ZFPM2: variants seen among roughly 807,000 people sequenced by gnomAD.
ZFPM2 encodes zinc finger protein, FOG family member 2, also known as zinc finger protein ZFPM2.
ZFPM2 carries 20 observed loss-of-function variants against 98.6 expected under a neutral mutation model. The ratio of observed to expected loss-of-function variants is 0.20; its 90% confidence interval spans 0.14 to 0.29. The LOEUF is 0.29. Among genes scored for constraint, ZFPM2 ranks in the 10% least tolerant of loss-of-function variants. The pLI, the probability that ZFPM2 is intolerant of heterozygous loss-of-function variation, is 1.00. For synonymous variants in ZFPM2, 518 were observed against 502.7 expected (o/e 1.03, Z -0.41); for missense variants, 1,310 against 1,388.6 (o/e 0.94, Z 0.90).
Position 105,444,322 on chromosome 8 carries a change from A to G in ZFPM2, c.242A>G (p.Asp81Gly). Residue 81 changes from aspartate (D) to glycine (G), a missense_variant, in exon 3 of 8, where the codon GAC (aspartate) becomes GGC (glycine). Physicochemically the swap from Asp to Gly is moderately conservative, Grantham distance 94 (BLOSUM62 -1). Transcript: ENST00000407775. ...GIQETAESDGDTQSEKPGQPG... is the reference protein window; with the variant it reads ...GIQETAESDGGTQSEKPGQPG... ...CAGGAGACAGCAGAATCAGATGGGG[A>G]CACACAGTCAGAGAAACCGGGGCAA... 1 of 1,612,496 alleles carries G rather than the reference A, an allele frequency of 6.2e-7. No homozygotes were observed. Among genetic ancestry groups the G allele is most frequent in the Non-Finnish European group, 8.5e-7 (1 of 1,179,292 alleles).
intron 5 of ZFPM2, among the ~76,000 whole-genome samples, chr8:105,663,478 G>GT (rs1346481709): frequency 6.6e-6 from 1 of 152,166 alleles, no homozygotes; most frequent in Non-Finnish European, 1.5e-5. Context: ...CATCCTGCAT[G>GT]TAAAGTAGTG....
chr8:105,633,262 A>G (rs1354100758), intron 4 of ZFPM2, among the ~76,000 whole-genome samples: 1 of 152,204 alleles, frequency 6.6e-6, no homozygotes, highest in Non-Finnish European at 1.5e-5. Context: ...GATCATATCT[A>G]GGTGAAAATT....
At chr8:105,450,661 T>C (rs569133947) in intron 3 of ZFPM2, among the ~76,000 whole-genome samples, 85 of 152,150 alleles carry the variant, frequency 5.6e-4, no homozygotes, top group African/African-American at 2.0e-3. Context: ...TTTATCTCAA[T>C]GCTTTGTGTC....
At chr8:105,411,382 C>T (rs745677272) in intron 1 of ZFPM2, among the ~76,000 whole-genome samples, 1 of 151,736 alleles carries the variant, frequency 6.6e-6, no homozygotes, top group Non-Finnish European at 1.5e-5. Flanking sequence ...ATTATCCACT[C>T]ACTTTGGGCT....
chr8:105,787,838 A>C (rs541092644), intron 5 of ZFPM2, among the ~76,000 whole-genome samples: 1 of 152,282 alleles, frequency 6.6e-6, no homozygotes, highest in African/African-American at 2.4e-5. Flanking sequence ...ACAAAATATA[A>C]GTGCTTTGCC....
At chr8:105,787,451 T>G (rs1392047044) in intron 5 of ZFPM2, 3 of 152,220 alleles carry the variant, frequency 2.0e-5, no homozygotes, top group African/African-American at 7.2e-5. Flanking sequence ...TTCCTTACCT[T>G]TAAAACTTAA....
chr8:105,639,611 A>C (rs552030408), intron 5 of ZFPM2, among the ~76,000 whole-genome samples: 76 of 152,240 alleles, frequency 5.0e-4, no homozygotes, highest in African/African-American at 1.6e-3. Context: ...ATGGAATAGC[A>C]ATGGCTACCA....
At chr8:105,637,731 C>G (rs758301230) in intron 5 of ZFPM2, among the ~76,000 whole-genome samples, 3 of 152,048 alleles carry the variant, frequency 2.0e-5, no homozygotes, top group Non-Finnish European at 4.4e-5. Context: ...CACTCCTACT[C>G]GTATCCAAAC....
rs777587825 is a variant in ZFPM2, at chr8:105,788,786, G to T, written c.601G>T (p.Asp201Tyr). The T allele has an allele frequency of 6.2e-7, 1 of 1,613,982 alleles. No individual in the cohort carries two copies. The highest frequency in any genetic ancestry group is 8.5e-7 in the Non-Finnish European group (1 of 1,179,880). ...TGAAGAGCTAATTGCCTTTGTGGTG[G>T]ATTTTGACTCAAGGCTACAAGCTGC... ...EGEELIAFVV[D>Y]FDSRLQAASQ... Residue 201 changes from aspartate to tyrosine, a missense_variant, in exon 6 of 8, where the codon GAT (aspartate) becomes TAT (tyrosine). Physicochemically the swap from Asp to Tyr is radical, Grantham distance 160. Transcript: ENST00000407775.
chr8:105,691,882 A>G (rs562070221), intron 5 of ZFPM2, among the ~76,000 whole-genome samples: 6 of 152,350 alleles, frequency 3.9e-5, no homozygotes, highest in Non-Finnish European at 8.8e-5. Context: ...AATTTCAAGG[A>G]AAGATAGGCA....
intron 5 of ZFPM2, among the ~76,000 whole-genome samples, chr8:105,660,963 C>T (rs761321484): frequency 7.2e-5 from 11 of 152,034 alleles, no homozygotes; most frequent in African/African-American, 1.9e-4. Flanking sequence ...CTAAAGAAGC[C>T]GTCTATCCAT....
At chr8:105,358,076 T>G (rs1228946194) in intron 1 of ZFPM2, among the ~76,000 whole-genome samples, 1 of 152,202 alleles carries the variant, frequency 6.6e-6, no homozygotes, top group Non-Finnish European at 1.5e-5. Flanking sequence ...AAATTCTGCA[T>G]TCATTTTCCA....
chr8:105,571,463 C>T (rs1283609483), intron 4 of ZFPM2, among the ~76,000 whole-genome samples: 1 of 152,226 alleles, frequency 6.6e-6, no homozygotes, highest in Non-Finnish European at 1.5e-5. Context: ...TAACAAAGCA[C>T]TGTGAGGAAG....
intron 3 of ZFPM2, among the ~76,000 whole-genome samples, chr8:105,548,879 C>T (rs1431482209): frequency 1.3e-5 from 2 of 152,138 alleles, no homozygotes; most frequent in African/African-American, 4.8e-5. Flanking sequence ...CTTCAGTATT[C>T]AGCATTGTGA....
intron 3 of ZFPM2, among the ~76,000 whole-genome samples, chr8:105,540,215 TG>T (rs1814546446): frequency 6.6e-6 from 1 of 152,122 alleles, no homozygotes; most frequent in Non-Finnish European, 1.5e-5. Context: ...TGAGAGCTTT[TG>T]GGAGAGCTGA....
At chr8:105,669,661 A>C (rs185741466) in intron 5 of ZFPM2, among the ~76,000 whole-genome samples, 133 of 152,106 alleles carry the variant, frequency 8.7e-4, no homozygotes, top group African/African-American at 3.0e-3. Context: ...TAAATGTGAC[A>C]GGGTCAGTAA....
At chr8:105,645,621 G>A (rs1024634278) in intron 5 of ZFPM2, among the ~76,000 whole-genome samples, 61 of 152,150 alleles carry the variant, frequency 4.0e-4, no homozygotes, top group African/African-American at 1.4e-3. Context: ...AGCTTGTATG[G>A]TGACCATTCT....
chr8:105,780,799 G>A (rs1378222045), intron 5 of ZFPM2, among the ~76,000 whole-genome samples: 1 of 152,210 alleles, frequency 6.6e-6, no homozygotes, highest in East Asian at 1.9e-4. Flanking sequence ...AGAATCGCTT[G>A]AACCTGGGAG....
intron 5 of ZFPM2, among the ~76,000 whole-genome samples, chr8:105,661,720 A>C (rs1817392363): frequency 6.6e-6 from 1 of 151,988 alleles, no homozygotes; most frequent in Non-Finnish European, 1.5e-5. Context: ...AGTTGTGTCA[A>C]CGGGAGACTT....
Sources: allele counts gnomAD v4.1 joint callset (sites outside exome capture counted in the v4.1 genomes callset), GRCh38; gene constraint gnomAD v4.1.1; transcripts MANE v1.5; gene names NCBI Gene and HGNC (gene_info 2026-07-23, HGNC 2026-07-21).